The following DEPDC5 variants were observed in gnomAD, a reference collection of about 807,000 sequenced individuals.
The protein encoded by DEPDC5 is GATOR1 complex protein DEPDC5.
Under a neutral mutation model 217.3 loss-of-function variants are expected in DEPDC5, and 73 were observed. The observed-to-expected ratio is 0.34, with a 90% CI of 0.28 to 0.41. The LOEUF is 0.41. Ranked by LOEUF, DEPDC5 falls within the 10% of genes least tolerant of loss-of-function variation. The pLI is 1.00. For synonymous variants in DEPDC5, 733 were observed against 756.7 expected (o/e 0.97, Z 0.51); for missense variants, 1,675 against 2,070.1 (o/e 0.81, Z 3.70).
chr22:31,753,992 C>T (rs1324605788), upstream of DEPDC5: 1 of 152,676 alleles, frequency 6.5e-6, no homozygotes, highest in Non-Finnish European at 1.5e-5. Context: ...GGCGCGGGTT[C>T]TCAGGTGAGC....
intron 32 of DEPDC5, chr22:31,859,089 T>TG (rs1246752101): frequency 7.5e-5 from 10 of 133,982 alleles, no homozygotes; most frequent in Non-Finnish European, 1.4e-4. Context: ...GTTTTTTTTT[T>TG]TTTTTTTTTT....
At chr22:31,882,544 A>G (rs193232919) in intron 38 of DEPDC5, among the ~76,000 whole-genome samples, 74 of 152,342 alleles carry the variant, frequency 4.9e-4, no homozygotes, top group African/African-American at 1.6e-3. Context: ...GAACCAGCAC[A>G]TAGAGCATAT....
At chr22:31,883,990 G>A (rs564341375) in intron 38 of DEPDC5, among the ~76,000 whole-genome samples, 3 of 152,186 alleles carry the variant, frequency 2.0e-5, no homozygotes, top group Non-Finnish European at 2.9e-5. Flanking sequence ...ACCAGGACCT[G>A]TAACCAATTG....
chr22:31,767,322 G>C (rs1330821022), intron 6 of DEPDC5, among the ~76,000 whole-genome samples: 1 of 151,046 alleles, frequency 6.6e-6, no homozygotes, highest in African/African-American at 2.4e-5. Context: ...TTTTTGAGAC[G>C]GAGTTTCTTG....
intron 31 of DEPDC5, among the ~76,000 whole-genome samples, chr22:31,850,274 A>G (rs115037717): frequency 0.021 from 3,235 of 152,062 alleles, 32 homozygotes; most frequent in Middle Eastern, 0.034. Context: ...ATGTAAAACA[A>G]TATATTGTGG....
chr22:31,771,822 A>C (rs1045100289), intron 7 of DEPDC5, among the ~76,000 whole-genome samples: 5 of 149,934 alleles, frequency 3.3e-5, no homozygotes, highest in African/African-American at 1.2e-4. Flanking sequence ...TAATCCCAGC[A>C]CTTTGGAAGG....
intron 8 of DEPDC5, among the ~76,000 whole-genome samples, chr22:31,779,462 T>C (rs1392140434): frequency 6.6e-6 from 1 of 152,050 alleles, no homozygotes; most frequent in Non-Finnish European, 1.5e-5. Context: ...GTCAGTGTGG[T>C]GGAAGTATTG....
chr22:31,846,467 C>G (rs1569093013), intron 30 of DEPDC5, among the ~76,000 whole-genome samples: 1 of 152,114 alleles, frequency 6.6e-6, no homozygotes, highest in African/African-American at 2.4e-5. Context: ...GTGGGAAGAA[C>G]TTTGGTTTTG....
chr22:31,887,023 C>T (rs1391885908), intron 38 of DEPDC5, among the ~76,000 whole-genome samples: 17 of 148,876 alleles, frequency 1.1e-4, no homozygotes, highest in East Asian at 5.9e-4. Context: ...GTGGAGGTTG[C>T]GGTGAGCTGA....
At chr22:31,842,000 T>C (rs1025829394) in intron 27 of DEPDC5, among the ~76,000 whole-genome samples, 5 of 152,236 alleles carry the variant, frequency 3.3e-5, no homozygotes, top group Admixed American at 1.3e-4. Flanking sequence ...TCTTGATTCC[T>C]GATTATTTTC....
intron 10 of DEPDC5, among the ~76,000 whole-genome samples, chr22:31,786,424 TAAAAA>T (rs138288): frequency 8.7e-5 from 7 of 80,142 alleles, no homozygotes; most frequent in African/African-American, 1.8e-4. Context: ...ATGTGGTAGC[TAAAAA>T]AAAAAAAAAA....
At chr22:31,817,316 G>C (rs1239391021) in intron 21 of DEPDC5, 1 of 218,478 alleles carries the variant, frequency 4.6e-6, no homozygotes, top group African/African-American at 2.3e-5. Flanking sequence ...CACCATGTTG[G>C]TCAGGCTGGT....
intron 6 of DEPDC5, 65 bp from the exon 7 acceptor site, chr22:31,768,749 T>G: frequency 7.3e-7 from 1 of 1,361,868 alleles, no homozygotes; most frequent in Non-Finnish European, 1.0e-6. Context: ...TTAATCAATC[T>G]CTCTCTCTTT....
Position 31,768,053 on chromosome 22 carries a change from T to A in DEPDC5, c.364-761T>A, listed in dbSNP as rs34305469. Among the ~76,000 whole-genome samples, 657 of 150,468 alleles carry A rather than the reference T, an allele frequency of 4.4e-3. 7 individuals carry two copies. Among genetic ancestry groups the A allele is most frequent in the South Asian group, 0.022 (106 of 4,804 alleles). ...AGCCAGTGCACCCGGCCCCATTTTT[T>A]AAAAAAAAATATTTTTATTATATTT... On this transcript the variant is annotated intron_variant, in intron 6 of 42. Coordinates refer to ENST00000651528, the MANE Select transcript of DEPDC5 (RefSeq NM_001242896.3).
At chr22:31,771,795 G>A (rs1338739625) in intron 7 of DEPDC5, among the ~76,000 whole-genome samples, 1 of 145,012 alleles carries the variant, frequency 6.9e-6, no homozygotes, top group Non-Finnish European at 1.5e-5. Flanking sequence ...AGGACTAGGT[G>A]CAGTGGCTCA....
At chr22:31,784,777 C>T (rs758040714) in intron 9 of DEPDC5, 37 bp from the exon 10 acceptor site, 3 of 1,579,634 alleles carry the variant, frequency 1.9e-6, no homozygotes, top group South Asian at 1.1e-5. Flanking sequence ...AAAGATTGTT[C>T]TCATGTTCTC....
chr22:31,856,308 A>T (rs758523940), intron 31 of DEPDC5, among the ~76,000 whole-genome samples: 1 of 152,106 alleles, frequency 6.6e-6, no homozygotes, highest in African/African-American at 2.4e-5. Flanking sequence ...GGGGCCAACA[A>T]CTGAGACAGA....
rs779624185 is a variant in DEPDC5 at position 31,905,975 on chromosome 22, C to T, written c.4437-9C>T. 1 of 1,613,452 alleles carries T rather than the reference C, an allele frequency of 6.2e-7. No homozygotes were observed. Among genetic ancestry groups the T allele is most frequent in the Non-Finnish European group, 8.5e-7 (1 of 1,179,508 alleles). On this transcript the variant is annotated splice_polypyrimidine_tract_variant and intron_variant, in intron 41 of 42. Transcript: ENST00000651528. ...GCGCTGATTAGCATGTCTTCCTGTC[C>T]TTCCCTAGGTTTGGGTTTGTACAAG... is the stretch of plus-strand genomic sequence containing the variant.
At position 31,874,368 on chromosome 22, in the gene DEPDC5, G is replaced by T; in HGVS notation, c.3659G>T (p.Gly1220Val). 6.2e-7 allele frequency: 1 copy of T among 1,612,636 alleles called. No homozygotes were observed. The change falls in exon 36 of 43, where the codon GGG becomes GTG. Residue 1220 changes from glycine to valine, a missense_variant. Gly to Val is a moderately radical substitution (Grantham distance 109). This residue lies in a region of DEPDC5 where 194 missense variants were observed against 199.3 expected (regional missense o/e 0.97). Coordinates refer to ENST00000651528, the MANE Select transcript of DEPDC5 (RefSeq NM_001242896.3). ...VVHWLVNHVE[G>V]IQTQAMAIDI... The stretch of plus-strand genomic sequence containing the variant: ...CACTGGTTGGTGAACCACGTGGAGG[G>T]GATCCAGACACAGGCGATGGCCATT...
Sources: allele counts gnomAD v4.1 joint callset (sites outside exome capture counted in the v4.1 genomes callset), GRCh38; gene constraint gnomAD v4.1.1; regional missense constraint gnomAD v4.1.1; transcripts MANE v1.5; gene names NCBI Gene and HGNC (gene_info 2026-07-23, HGNC 2026-07-21).